Variants in KANSL3 observed in about 807,000 individuals in gnomAD.
KANSL3 encodes NSL complex protein NSL3.
A neutral mutation model predicts 89.2 loss-of-function variants in KANSL3; 16 were observed. The ratio of observed to expected loss-of-function variants is 0.18; its 90% confidence interval spans 0.12 to 0.27. The LOEUF is 0.27. KANSL3 is among the 10% of genes least tolerant of loss of function. The pLI, the probability that KANSL3 is intolerant of heterozygous loss-of-function variation, is 1.00. For synonymous variants in KANSL3, 385 were observed against 419.7 expected (o/e 0.92, Z 1.01); for missense variants, 879 against 1,110.6 (o/e 0.79, Z 2.96).
downstream of KANSL3, chr2:96,593,145 T>C (rs2066328879): frequency 2.3e-6 from 1 of 426,114 alleles, no homozygotes; most frequent in African/African-American, 2.0e-5. Flanking sequence ...AGAAGTCAAC[T>C]GAAAAGAAGC....
chr2:96,609,130 A>G (rs2105347529), intron 12 of KANSL3, 66 bp from the exon 13 acceptor site: 1 of 1,359,632 alleles, frequency 7.4e-7, no homozygotes, highest in Non-Finnish European at 1.0e-6. Flanking sequence ...CCTCTCATAT[A>G]CTTTCCAACT....
In KANSL3 at chr2:96,609,035, C is replaced by T. The variant is rs1205650580; in HGVS notation, c.1413G>A (p.Val471=). The part of the protein sequence containing the change: ...QDEIVDFLTG[V]LTRAEGHMGS... ...CCATGTGACCCTCAGCACGAGTGAG[C>T]ACTCCAGTCAGAAAGTCCACAATCT... Residue 471 remains valine (V), a synonymous_variant, in exon 13 of 21, where the codon GTG becomes GTA. Coordinates refer to ENST00000431828, the MANE Select transcript of KANSL3 (RefSeq NM_001115016.3). The T allele has an allele frequency of 2.6e-6, 4 of 1,562,584 alleles. No individual in the cohort carries two copies. Among genetic ancestry groups the T allele is most frequent in the Non-Finnish European group, 3.5e-6 (4 of 1,153,228 alleles).
At chr2:96,618,966 C>T (rs941322808) in intron 5 of KANSL3, among the ~76,000 whole-genome samples, 1 of 152,244 alleles carries the variant, frequency 6.6e-6, no homozygotes, top group Non-Finnish European at 1.5e-5. Flanking sequence ...CATCACGGCA[C>T]GTTCCTGCTC....
At chr2:96,632,312 C>T (rs752139052) in intron 2 of KANSL3, among the ~76,000 whole-genome samples, 1 of 152,030 alleles carries the variant, frequency 6.6e-6, no homozygotes, top group African/African-American at 2.4e-5. Context: ...AAAACAAACA[C>T]AAAAATTAGC....
chr2:96,620,235 A>T (rs2070999423), intron 3 of KANSL3, among the ~76,000 whole-genome samples: 1 of 152,238 alleles, frequency 6.6e-6, no homozygotes, highest in Non-Finnish European at 1.5e-5. Context: ...TATTTAAACT[A>T]GGCTTAAGAA....
At chr2:96,587,528 G>A in the KANSL3 span, among the ~76,000 whole-genome samples, 1 of 152,182 alleles carries the variant, frequency 6.6e-6, no homozygotes. Context: ...TCCCCTATGA[G>A]AGCAGTGTCA....
In KANSL3 at chr2:96,612,879, G is replaced by C; in HGVS notation, c.851C>G (p.Ser284Cys). 1 of 1,572,364 alleles carries C rather than the reference G, an allele frequency of 6.4e-7. No homozygotes were observed. Among genetic ancestry groups the C allele is most frequent in the Non-Finnish European group, 8.6e-7 (1 of 1,158,996 alleles). Reference sequence around the variant, plus strand: ...GTGGCGGCGTGAAGTGGGAAACACAGAGCTGGAGGGACCAGAGGAGGCGAT... The same window carrying C: ...GTGGCGGCGTGAAGTGGGAAACACACAGCTGGAGGGACCAGAGGAGGCGAT... Reference protein sequence around the residue: ...ILIASSGPSSSVFPTSRRHRF... With the variant: ...ILIASSGPSSCVFPTSRRHRF... The change falls in exon 7 of 21, where the codon TCT (serine) becomes TGT (cysteine). Residue 284 changes from serine (S) to cysteine (C), a missense_variant. Physicochemically the swap from Ser to Cys is moderately radical, Grantham distance 112. This residue lies in a region of KANSL3 where 198 missense variants were observed against 260.3 expected (regional missense o/e 0.76). Transcript: ENST00000431828.
chr2:96,634,738 T>C (rs2074010851), intron 2 of KANSL3, among the ~76,000 whole-genome samples: 1 of 152,240 alleles, frequency 6.6e-6, no homozygotes, highest in African/African-American at 2.4e-5. Context: ...TGAAATCATG[T>C]GCAGCTAGAT....
intron 20 of KANSL3, among the ~76,000 whole-genome samples, chr2:96,596,189 C>CT (rs886443584): frequency 6.6e-6 from 1 of 152,146 alleles, no homozygotes; most frequent in African/African-American, 2.4e-5. Context: ...AGAGGGTGGC[C>CT]TTTTTTACCA....
intron 3 of KANSL3, chr2:96,628,149 G>A: frequency 7.8e-7 from 1 of 1,289,670 alleles, no homozygotes; most frequent in Admixed American, 2.3e-5. Context: ...GCAGGAGAAG[G>A]TGCACACTGG....
At position 96,631,317 on chromosome 2, in the gene KANSL3, G is replaced by C. The variant is rs1254801301; in HGVS notation, c.381C>G (p.Val127=). The C allele has an allele frequency of 1.8e-5, 29 of 1,611,640 alleles. No individual in the cohort carries two copies. The highest frequency in any genetic ancestry group is 2.4e-5 in the Non-Finnish European group (28 of 1,178,130). ...CCTCCTGATGAGCAGCCTACCTGTT[G>C]ACATGCTCCTCCCAGTCCTCTGGTG... The part of the protein sequence containing the change: ...PPPPEDWEEH[V]NRTGWTMAQN... The change falls in exon 3 of 21, where the codon GTC becomes GTG. Residue 127 remains valine, a synonymous_variant. Transcript: ENST00000431828.
At chr2:96,611,197 C>T (rs1411997621) in intron 9 of KANSL3, 59 bp from the exon 10 acceptor site, 3 of 1,465,474 alleles carry the variant, frequency 2.0e-6, no homozygotes, top group Non-Finnish European at 2.9e-6. Flanking sequence ...CCTCAGCCTA[C>T]CCAGAATCCA....
Position 96,605,520 on chromosome 2 carries a change from T to G in KANSL3, c.1742-9A>C, listed in dbSNP as rs745865800. On this transcript the variant is annotated splice_polypyrimidine_tract_variant and intron_variant, in intron 14 of 20. Transcript: ENST00000431828. ...TTCTGATGAAATGGGAACTAAGACA[T>G]GGAGCTGAGTTGAGATCCTCCACAA... 77 of 1,609,476 alleles carry G rather than the reference T, an allele frequency of 4.8e-5. No homozygotes were observed. Among genetic ancestry groups the G allele is most frequent in the Non-Finnish European group, 5.9e-5 (70 of 1,176,668 alleles).
chr2:96,596,336 T>G (rs1472660979), intron 20 of KANSL3, among the ~76,000 whole-genome samples: 2 of 152,212 alleles, frequency 1.3e-5, no homozygotes, highest in African/African-American at 4.8e-5. Flanking sequence ...GCAGGAGGAC[T>G]GCTTGAGCCC....
intron 3 of KANSL3, 60 bp downstream of exon 3, chr2:96,631,252 C>G (rs1204357208): frequency 3.2e-6 from 4 of 1,240,534 alleles, no homozygotes; most frequent in Non-Finnish European, 4.7e-6. Context: ...AGTGTTATTT[C>G]AATGAAGATG....
At chr2:96,619,289 C>A in intron 5 of KANSL3, 70 bp downstream of exon 5, 2 of 1,436,684 alleles carry the variant, frequency 1.4e-6, no homozygotes, top group Non-Finnish European at 1.9e-6. Flanking sequence ...CTTTGCCTAA[C>A]CCCACATCCT....
intron 5 of KANSL3, among the ~76,000 whole-genome samples, chr2:96,616,941 C>G (rs1306265725): frequency 6.6e-6 from 1 of 152,184 alleles, no homozygotes; most frequent in Non-Finnish European, 1.5e-5. Context: ...ATTATGCTAG[C>G]CACAGTGAGT....
At chr2:96,588,545 C>G (rs1307467146), downstream of KANSL3, among the ~76,000 whole-genome samples, 2 of 151,646 alleles carry the variant, frequency 1.3e-5, no homozygotes, top group East Asian at 3.9e-4. Flanking sequence ...GAAGAAAGAA[C>G]AATGGAAAGA....
intron 5 of KANSL3, 146 bp downstream of exon 5, chr2:96,619,213 T>C: frequency 1.5e-6 from 1 of 665,788 alleles, no homozygotes. Flanking sequence ...AATGATACCC[T>C]GTCTCCCAAT....
Sources: gnomAD v4.1 joint callset for allele counts (sites outside exome capture counted in the v4.1 genomes callset) on GRCh38, gnomAD v4.1.1 for gene constraint, gnomAD v4.1.1 regional missense constraint, MANE v1.5 for transcripts, NCBI Gene and HGNC (gene_info 2026-07-23, HGNC 2026-07-21) for gene names.